Variants in SLC40A1 observed in about 807,000 individuals in gnomAD.
The protein encoded by SLC40A1 is solute carrier family 40 member 1, also known as ferroportin.
Under a neutral mutation model 53.5 loss-of-function variants are expected in SLC40A1, and 16 were observed. That is an observed-to-expected ratio of 0.30 (90% confidence interval 0.20 to 0.45). SLC40A1 has a LOEUF of 0.45. Ranked by LOEUF, SLC40A1 falls within the 20% of genes least tolerant of loss-of-function variation. SLC40A1 has a pLI of 1.00. For synonymous variants in SLC40A1, 247 were observed against 253.2 expected, an observed-to-expected ratio of 0.98 and a Z score of 0.23; for missense variants, 545 against 695.4, an observed-to-expected ratio of 0.78 and a Z score of 2.43.
At chr2:189,576,972 T>C (rs2031305996) in intron 2 of SLC40A1, among the ~76,000 whole-genome samples, 1 of 152,208 alleles carries the variant, frequency 6.6e-6, no homozygotes, top group African/African-American at 2.4e-5. Context: ...ATTGCTCACA[T>C]TACCCCAATT....
intron 3 of SLC40A1, 107 bp downstream of exon 3, chr2:189,575,054 G>C: frequency 1.6e-6 from 2 of 1,287,204 alleles, no homozygotes; most frequent in Admixed American, 3.4e-5. Flanking sequence ...GTGGCATGCA[G>C]ACATTCCCTG....
chr2:189,576,921 T>A (rs3792079), intron 2 of SLC40A1, among the ~76,000 whole-genome samples: 10,710 of 152,306 alleles, frequency 0.07, 1,067 homozygotes, highest in African/African-American at 0.22. Context: ...AATCTTGCTT[T>A]TTCTTGCATG....
chr2:189,570,647 A>G (rs1316673076), intron 5 of SLC40A1, among the ~76,000 whole-genome samples: 2 of 152,184 alleles, frequency 1.3e-5, no homozygotes, highest in Non-Finnish European at 2.9e-5. Flanking sequence ...TTCTAACTCA[A>G]TAATAATACT....
Position 189,563,646 on chromosome 2 carries a change from G to A in SLC40A1, c.1340C>T (p.Pro447Leu). ...NSANIVPETS[P>L]ESVPIISVSL... Reference sequence around the variant, plus strand: ...GACAGAGATTATGGGCACAGATTCAGGACTTGTCTCCGGGACAATATTAGC... The same window carrying A: ...GACAGAGATTATGGGCACAGATTCAAGACTTGTCTCCGGGACAATATTAGC... Residue 447 changes from proline to leucine, a missense_variant, in exon 7 of 8, where the codon CCT becomes CTT. Coordinates refer to ENST00000261024, the MANE Select transcript of SLC40A1 (RefSeq NM_014585.6). 1 of 1,614,148 alleles carries A rather than the reference G, an allele frequency of 6.2e-7. No homozygotes were observed. The highest frequency in any genetic ancestry group is 8.5e-7 in the Non-Finnish European group (1 of 1,179,994).
At chr2:189,573,126 A>G (rs192768921) in intron 3 of SLC40A1, among the ~76,000 whole-genome samples, 165 bp from the exon 4 acceptor site, 2 of 152,360 alleles carry the variant, frequency 1.3e-5, no homozygotes, top group African/African-American at 2.4e-5. Flanking sequence ...ACTACTCTCA[A>G]TACAACCCAG....
At chr2:189,564,315 C>T (rs2030857966) in intron 6 of SLC40A1, 90 bp from the exon 7 acceptor site, 1 of 1,075,764 alleles carries the variant, frequency 9.3e-7, no homozygotes, top group Non-Finnish European at 1.4e-6. Context: ...TTCTATTCCC[C>T]TTCCCAATGG....
At chr2:189,565,039 T>A (rs781329483) in intron 6 of SLC40A1, among the ~76,000 whole-genome samples, 35 of 152,222 alleles carry the variant, frequency 2.3e-4, no homozygotes, top group South Asian at 1.2e-3. Flanking sequence ...TCTCTTTTTT[T>A]CCCCACATTT....
At chr2:189,564,564 G>A (rs1392455214) in intron 6 of SLC40A1, among the ~76,000 whole-genome samples, 2 of 152,136 alleles carry the variant, frequency 1.3e-5, no homozygotes, top group African/African-American at 2.4e-5. Context: ...GTATTGGCCA[G>A]GCACGGTGGC....
At chr2:189,567,649 CGAA>C (rs1315904881) in intron 5 of SLC40A1, among the ~76,000 whole-genome samples, 1 of 152,126 alleles carries the variant, frequency 6.6e-6, no homozygotes, top group Non-Finnish European at 1.5e-5. Context: ...CAATACGTGA[CGAA>C]GAAGTACATT....
chr2:189,572,795 C>T (rs773399954), intron 4 of SLC40A1, 51 bp downstream of exon 4: 4 of 1,292,112 alleles, frequency 3.1e-6, no homozygotes, highest in Non-Finnish European at 4.5e-6. Flanking sequence ...CATCCTTTAC[C>T]ACTACCAGAT....
At chr2:189,569,262 G>T (rs951785930) in intron 5 of SLC40A1, among the ~76,000 whole-genome samples, 9 of 152,200 alleles carry the variant, frequency 5.9e-5, no homozygotes, top group Non-Finnish European at 1.2e-4. Flanking sequence ...TCAGCATCCA[G>T]CTCAAAACTT....
intron 5 of SLC40A1, among the ~76,000 whole-genome samples, chr2:189,567,019 G>C (rs940043809): frequency 6.6e-6 from 1 of 152,180 alleles, no homozygotes; most frequent in Non-Finnish European, 1.5e-5. Flanking sequence ...CCAAACAAAA[G>C]TGACAAAACG....
At chr2:189,575,837 A>C (rs2031270984) in intron 2 of SLC40A1, among the ~76,000 whole-genome samples, 1 of 152,220 alleles carries the variant, frequency 6.6e-6, no homozygotes, top group South Asian at 2.1e-4. Context: ...TTTCATGTCT[A>C]ATATCCTAAA....
In SLC40A1 at chr2:189,571,761, C is replaced by T. The variant is rs1257633730; in HGVS notation, c.468G>A (p.Arg156=). The stretch of plus-strand genomic sequence containing the variant: ...CTCCTGCAACAACAACAATCCAATC[C>T]CTTTGGATTGTGATTGCAGTAGCAG... ...ASTATAITIQ[R]DWIVVVAGED... is the part of the protein sequence containing the mutation. The change falls in exon 5 of 8, where the codon AGG becomes AGA. Residue 156 remains arginine (R), a synonymous_variant. Coordinates refer to ENST00000261024, the MANE Select transcript of SLC40A1 (RefSeq NM_014585.6). The T allele has an allele frequency of 6.2e-7, 1 of 1,612,336 alleles. No homozygotes were observed. Among genetic ancestry groups the T allele is most frequent in the Non-Finnish European group, 8.5e-7 (1 of 1,178,522 alleles).
At chr2:189,573,810 T>G (rs1456450436) in intron 3 of SLC40A1, among the ~76,000 whole-genome samples, 1 of 152,220 alleles carries the variant, frequency 6.6e-6, no homozygotes, top group Non-Finnish European at 1.5e-5. Flanking sequence ...ATATAGTTCA[T>G]CCTTGCTTGG....
chr2:189,565,488 G>C lies in SLC40A1; in HGVS notation c.626C>G (p.Ser209Trp). ...GSPVIGCGFI[S>W]GWNLVSMCVE... is the part of the protein sequence containing the mutation. ...GCACATGGATACCAAGTTCCATCCC[G>C]AAATAAAGCCACAGCCGATGACTGG... The change falls in exon 6 of 8, where the codon TCG (serine) becomes TGG (tryptophan). Residue 209 changes from serine to tryptophan, a missense_variant. Transcript: ENST00000261024. 3.1e-6 allele frequency: 5 copies of C among 1,614,186 alleles called. No individual in the cohort carries two copies. Among genetic ancestry groups the C allele is most frequent in the Non-Finnish European group, 4.2e-6 (5 of 1,180,046 alleles).
chr2:189,563,879 C>T lies in SLC40A1; in HGVS notation c.1107G>A (p.Leu369=). 1 of 1,614,202 alleles carries T rather than the reference C, an allele frequency of 6.2e-7. No homozygotes were observed. The highest frequency in any genetic ancestry group is 2.2e-5 in the East Asian group (1 of 44,890). ...ATCCTGAGATCAGACCTGTCCGAAC[C>T]AAACCACATTTTCGACGTAGCCAAG... ...AFTWLRRKCG[L]VRTGLISGLA... The change falls in exon 7 of 8, where the codon TTG becomes TTA. Residue 369 remains leucine, a synonymous_variant. Transcript: ENST00000261024.
At chr2:189,569,024 A>G (rs2031039502) in intron 5 of SLC40A1, among the ~76,000 whole-genome samples, 1 of 152,250 alleles carries the variant, frequency 6.6e-6, no homozygotes, top group Non-Finnish European at 1.5e-5. Context: ...AAAGTACCTA[A>G]ATTAGTTAAC....
At chr2:189,579,758 GA>G in intron 2 of SLC40A1, 54 bp downstream of exon 2, 1 of 1,490,530 alleles carries the variant, frequency 6.7e-7, no homozygotes. Context: ...TGGCTAGAAC[GA>G]AAGGAAATAA....
Sources: allele counts gnomAD v4.1 joint callset (sites outside exome capture counted in the v4.1 genomes callset), GRCh38; gene constraint gnomAD v4.1.1; transcripts MANE v1.5; gene names NCBI Gene and HGNC (gene_info 2026-07-23, HGNC 2026-07-21).